Variants in LTBP1 observed in about 807,000 individuals in gnomAD.
The protein encoded by LTBP1 is latent transforming growth factor beta binding protein 1, also known as latent-transforming growth factor beta-binding protein 1.
In LTBP1, 129 loss-of-function variants were observed where a neutral mutation model predicts 207.6. The observed-to-expected ratio is 0.62, with a 90% CI of 0.54 to 0.72. The LOEUF (loss-of-function observed/expected upper bound fraction) is 0.72, where lower values mean the gene tolerates loss of function less well. LTBP1 is among the 30% of genes least tolerant of loss of function. LTBP1 has a pLI of 0.00. For missense variants in LTBP1, 2,281 were observed against 2,217.2 expected (o/e 1.03, Z -0.58); for synonymous variants, 963 against 833.7 (o/e 1.16, Z -2.67).
At chr2:33,053,662 A>G (rs1385479567) in intron 3 of LTBP1, among the ~76,000 whole-genome samples, 1 of 152,086 alleles carries the variant, frequency 6.6e-6, no homozygotes, top group East Asian at 1.9e-4. Flanking sequence ...AACTGTTTTA[A>G]TGTCTTAGGG....
chr2:33,016,908 T>G (rs1013029742), intron 2 of LTBP1, among the ~76,000 whole-genome samples: 1 of 152,178 alleles, frequency 6.6e-6, no homozygotes, highest in Admixed American at 6.5e-5. Context: ...TCCCAGCTAC[T>G]TGGGAGGCTG....
intron 24 of LTBP1, among the ~76,000 whole-genome samples, chr2:33,326,270 G>GT (rs1457558229): frequency 3.3e-5 from 5 of 152,142 alleles, no homozygotes; most frequent in African/African-American, 4.8e-5. Flanking sequence ...ACTCCACCCC[G>GT]TTTCTCCATT....
At chr2:33,037,876 G>T (rs771442445) in intron 3 of LTBP1, among the ~76,000 whole-genome samples, 7 of 152,052 alleles carry the variant, frequency 4.6e-5, no homozygotes, top group Non-Finnish European at 1.0e-4. Flanking sequence ...TGCCACCATA[G>T]CCAGCTAATT....
intron 2 of LTBP1, among the ~76,000 whole-genome samples, chr2:32,977,701 G>A (rs901484812): frequency 3.9e-5 from 6 of 152,136 alleles, no homozygotes; most frequent in Non-Finnish European, 8.8e-5. Context: ...TGAATCCCCT[G>A]AGGGGCTCTC....
At chr2:33,001,150 G>A (rs1686017129) in intron 2 of LTBP1, among the ~76,000 whole-genome samples, 1 of 134,982 alleles carries the variant, frequency 7.4e-6, no homozygotes, top group African/African-American at 2.6e-5. Flanking sequence ...CATTCACATT[G>A]TGGGATTGCC....
At chr2:33,137,354 T>A (rs889067318) in intron 5 of LTBP1, among the ~76,000 whole-genome samples, 1 of 152,254 alleles carries the variant, frequency 6.6e-6, no homozygotes, top group Admixed American at 6.5e-5. Context: ...TGTCAGCTAC[T>A]CCCTTTGATC....
chr2:33,347,141 A>AC (rs1559047318), intron 25 of LTBP1, among the ~76,000 whole-genome samples: 3 of 150,890 alleles, frequency 2.0e-5, no homozygotes. Flanking sequence ...AAAAAAAAAA[A>AC]CCTAAATTCG....
At chr2:33,081,955 A>T (rs1002133862) in intron 3 of LTBP1, among the ~76,000 whole-genome samples, 3 of 152,196 alleles carry the variant, frequency 2.0e-5, no homozygotes, top group African/African-American at 7.2e-5. Flanking sequence ...AGGCCTCCCC[A>T]GCCATGCGGA....
At chr2:33,090,104 C>T (rs563159847) in intron 3 of LTBP1, among the ~76,000 whole-genome samples, 8 of 152,202 alleles carry the variant, frequency 5.3e-5, no homozygotes, top group African/African-American at 1.9e-4. Flanking sequence ...TCTGTTTTCT[C>T]TGGAAGAATA....
chr2:33,021,845 CAG>C (rs1251684016), intron 3 of LTBP1, among the ~76,000 whole-genome samples: 1 of 152,006 alleles, frequency 6.6e-6, no homozygotes, highest in Non-Finnish European at 1.5e-5. Context: ...AATGAGAACT[CAG>C]AGAAGAAAGA....
intron 5 of LTBP1, among the ~76,000 whole-genome samples, chr2:33,171,689 C>T (rs1253199131): frequency 6.6e-6 from 1 of 151,924 alleles, no homozygotes; most frequent in East Asian, 1.9e-4. Flanking sequence ...AAGAGCAACT[C>T]CAAGACACAT....
intron 3 of LTBP1, among the ~76,000 whole-genome samples, chr2:33,061,142 A>G (rs1285394744): frequency 6.6e-6 from 1 of 152,068 alleles, no homozygotes; most frequent in Non-Finnish European, 1.5e-5. Context: ...CTTTTTTCTA[A>G]CCAAATATGG....
At position 33,257,486 on chromosome 2, in the gene LTBP1, C is replaced by G; in HGVS notation, c.2370C>G (p.His790Gln). 3.1e-6 allele frequency: 5 copies of G among 1,614,142 alleles called. No homozygotes were observed. The highest frequency in any genetic ancestry group is 2.2e-5 in the East Asian group (1 of 44,878). The change falls in exon 12 of 34, where the codon CAC becomes CAG. Residue 790 changes from histidine (H) to glutamine (Q), a missense_variant. Around this residue, in one of 3 missense-constraint regions of LTBP1, gnomAD observed 1,671 missense variants for 1,634.8 expected, o/e 1.02. Transcript: ENST00000404816. ...PVEALTFSRE[H>Q]GPGVAEPEVA... is the part of the protein sequence containing the mutation. ...AGGCCCTGACCTTCTCCCGGGAACACGGGCCAGGAGTGGCGGAGCCAGAAG... is the reference window on the plus strand; with the variant it reads ...AGGCCCTGACCTTCTCCCGGGAACAGGGGCCAGGAGTGGCGGAGCCAGAAG...
At chr2:32,976,036 T>G (rs934468956) in intron 2 of LTBP1, among the ~76,000 whole-genome samples, 1 of 152,198 alleles carries the variant, frequency 6.6e-6, no homozygotes, top group Non-Finnish European at 1.5e-5. Flanking sequence ...TGGGCTGATA[T>G]TCCTTTAATC....
Position 33,280,139 on chromosome 2 carries a change from C to T in LTBP1, c.3093C>T (p.Gly1031=). The T allele has an allele frequency of 2.5e-6, 4 of 1,614,088 alleles. No homozygotes were observed. The highest frequency in any genetic ancestry group is 2.5e-6 in the Non-Finnish European group (3 of 1,179,968). The change falls in exon 19 of 34, where the codon GGC becomes GGT. Residue 1031 remains glycine, a synonymous_variant. Coordinates refer to ENST00000404816, the MANE Select transcript of LTBP1 (RefSeq NM_206943.4). ...QCVPCTEGFR[G]WNGQCLDVDE... The stretch of plus-strand genomic sequence containing the variant: ...TTCCCTGCACAGAAGGATTCCGAGG[C>T]TGGAATGGACAGTGCCTTGGTAGGT...
intron 24 of LTBP1, among the ~76,000 whole-genome samples, chr2:33,342,052 G>T (rs73925693): frequency 0.014 from 2,113 of 152,254 alleles, 46 homozygotes; most frequent in African/African-American, 0.048. Flanking sequence ...GAACGGGAAG[G>T]AAAGAACGGA....
intron 5 of LTBP1, among the ~76,000 whole-genome samples, chr2:33,180,395 G>T (rs1470376678): frequency 6.6e-6 from 1 of 151,540 alleles, no homozygotes; most frequent in Non-Finnish European, 1.5e-5. Flanking sequence ...TTTCCCCTTG[G>T]TGATGCATAC....
At position 32,971,258 on chromosome 2, in the gene LTBP1, C is replaced by T. The variant is rs1572881029; in HGVS notation, c.565+22313C>T. On this transcript the variant is annotated intron_variant, in intron 2 of 33. Transcript: ENST00000404816. ...TGCAAATAGAGAGAGTTTGACTTCCCCTCTTCCAATGGAATGCCTTTTATT... is the reference window on the plus strand; with the variant it reads ...TGCAAATAGAGAGAGTTTGACTTCCTCTCTTCCAATGGAATGCCTTTTATT... 3.3e-5 allele frequency among the ~76,000 whole-genome samples: 5 copies of T among 152,070 alleles called. No homozygotes were observed. In the South Asian group the frequency reaches 1.0e-3, roughly 32 times the overall value.
intron 2 of LTBP1, among the ~76,000 whole-genome samples, chr2:32,954,640 G>A (rs1677764214): frequency 6.7e-6 from 1 of 148,728 alleles, no homozygotes; most frequent in Non-Finnish European, 1.5e-5. Flanking sequence ...CTTGGGGTTA[G>A]GACTTCAACA....
Sources: allele counts gnomAD v4.1 joint callset (sites outside exome capture counted in the v4.1 genomes callset), GRCh38; gene constraint gnomAD v4.1.1; regional missense constraint gnomAD v4.1.1; transcripts MANE v1.5; gene names NCBI Gene and HGNC (gene_info 2026-07-23, HGNC 2026-07-21).